Variants in TLE4 observed in about 807,000 individuals in gnomAD.
TLE4 encodes the protein TLE family member 4, transcriptional corepressor.
In TLE4, 8 loss-of-function variants were observed where a neutral mutation model predicts 92.8. That is an observed-to-expected ratio of 0.09 (90% confidence interval 0.05 to 0.16). TLE4 has a LOEUF of 0.16. Ranked by LOEUF, TLE4 falls within the 10% of genes least tolerant of loss-of-function variation. TLE4 has a pLI of 1.00. For missense variants in TLE4, 675 were observed against 997.6 expected (o/e 0.68, Z 4.36); for synonymous variants, 371 against 374.1 (o/e 0.99, Z 0.10).
Position 79,572,727 on chromosome 9 carries a change from T to G in TLE4, c.-64T>G. 2 of 1,558,368 alleles carry G rather than the reference T, an allele frequency of 1.3e-6. No individual in the cohort carries two copies. Among genetic ancestry groups the G allele is most frequent in the Non-Finnish European group, 8.7e-7 (1 of 1,146,312 alleles). On this transcript the variant is annotated 5_prime_UTR_variant, in exon 1 of 20. Coordinates refer to ENST00000376552, the MANE Select transcript of TLE4 (RefSeq NM_007005.6). ...CTCCGCTGCCGCGGCCGCCTCCTCT[T>G]CGGGGTCATTAAAGCCAATGAGCCG... is the stretch of plus-strand genomic sequence containing the variant.
Position 79,678,314 on chromosome 9 carries a change from G to T in TLE4, c.609+24239G>T, listed in dbSNP as rs373696168. On this transcript the variant is annotated intron_variant, in intron 8 of 19. Transcript: ENST00000376552. ...AAAAACTTTGTAGATGTTAATCTAT[G>T]TACATTGTATTTGAGTAAATGTCCT... Among the ~76,000 whole-genome samples the T allele has an allele frequency of 7.2e-5, 11 of 152,150 alleles. No homozygotes were observed. In the East Asian group the frequency reaches 1.5e-3, roughly 21 times the overall value.
intron 8 of TLE4, among the ~76,000 whole-genome samples, chr9:79,702,402 C>A (rs1233794184): frequency 1.3e-5 from 2 of 152,058 alleles, no homozygotes; most frequent in Non-Finnish European, 2.9e-5. Context: ...TAGATAGTAA[C>A]CCACAGATGA....
At chr9:79,607,916 GT>G (rs1380987485) in intron 4 of TLE4, among the ~76,000 whole-genome samples, 1 of 151,918 alleles carries the variant, frequency 6.6e-6, no homozygotes, top group South Asian at 2.1e-4. Flanking sequence ...CTTTAAAGTA[GT>G]TTTTTCCAAT....
At chr9:79,682,802 A>G (rs986035145) in intron 8 of TLE4, among the ~76,000 whole-genome samples, 60 of 152,218 alleles carry the variant, frequency 3.9e-4, no homozygotes, top group Admixed American at 3.4e-3. Context: ...AGATCACACT[A>G]TGCCCACAGC....
chr9:79,682,754 C>T (rs1564885234), intron 8 of TLE4, among the ~76,000 whole-genome samples: 1 of 152,220 alleles, frequency 6.6e-6, no homozygotes, highest in Non-Finnish European at 1.5e-5. Context: ...AATGCTCAAG[C>T]ATCTCAGGGT....
chr9:79,650,974 T>G (rs1325201173), intron 6 of TLE4, among the ~76,000 whole-genome samples: 1 of 151,510 alleles, frequency 6.6e-6, no homozygotes, highest in Non-Finnish European at 1.5e-5. Flanking sequence ...AAGGTCCACT[T>G]TTTTTCTCTG....
In TLE4 at chr9:79,704,770, CTTCTAA is replaced by C; in HGVS notation, c.610-9_610-4del. 6.2e-7 allele frequency: 1 copy of C among 1,604,370 alleles called. No individual in the cohort carries two copies. On this transcript the variant is annotated splice_region_variant and splice_polypyrimidine_tract_variant and intron_variant, in intron 8 of 19. Transcript: ENST00000376552. ...TAATTTCTCAACCATGCTTCCTCTC[CTTCTAA>C]TTCCAGAGCTCTTCAGTATCCCCAT...
chr9:79,640,670 G>A (rs3928818), intron 6 of TLE4, among the ~76,000 whole-genome samples: 134,286 of 151,942 alleles, frequency 0.88, 59,316 homozygotes, highest in Admixed American at 0.9. Flanking sequence ...GTAACACTCA[G>A]CTCCTTCTGT....
At chr9:79,706,940 C>T in intron 11 of TLE4, 41 bp downstream of exon 11, 1 of 1,591,400 alleles carries the variant, frequency 6.3e-7, no homozygotes, top group Non-Finnish European at 8.5e-7. Context: ...TGGCCTCTGC[C>T]AATTTGATGT....
At chr9:79,709,727 TTG>T (rs1328721623) in intron 14 of TLE4, 28 bp downstream of exon 14, 1 of 1,608,802 alleles carries the variant, frequency 6.2e-7, no homozygotes, top group African/African-American at 1.3e-5. Flanking sequence ...TCTGTGCTCA[TTG>T]TGTGTCAAAC....
rs533158409 is a variant in TLE4 at position 79,632,850 on chromosome 9, A to T, written c.390+5402A>T. 2.0e-5 allele frequency among the ~76,000 whole-genome samples: 3 copies of T among 152,266 alleles called. No homozygotes were observed. In the East Asian group the frequency reaches 5.8e-4, roughly 30 times the overall value. On this transcript the variant is annotated intron_variant, in intron 6 of 19. Coordinates refer to ENST00000376552, the MANE Select transcript of TLE4 (RefSeq NM_007005.6). ...AGTGTGCCTGGAGCTTAAAGGCTTT[A>T]TAAAACATGCTGGCCACTGTCTGTG...
At chr9:79,598,075 G>GAAA (rs748860967) in intron 4 of TLE4, among the ~76,000 whole-genome samples, 8 of 65,728 alleles carry the variant, frequency 1.2e-4, no homozygotes, top group Non-Finnish European at 1.5e-4. Flanking sequence ...TACTGAAAAA[G>GAAA]AAAAAAAAAA....
intron 8 of TLE4, among the ~76,000 whole-genome samples, chr9:79,656,923 G>A (rs2059864604): frequency 6.6e-6 from 1 of 152,008 alleles, no homozygotes. Context: ...AAGTTCTGTG[G>A]CCACCAAATT....
At chr9:79,670,148 C>A (rs969386750) in intron 8 of TLE4, among the ~76,000 whole-genome samples, 4 of 151,412 alleles carry the variant, frequency 2.6e-5, no homozygotes, top group Non-Finnish European at 5.9e-5. Context: ...AAAAGACTCA[C>A]CTTAGAGGGG....
chr9:79,725,028 C>A lies in TLE4; in HGVS notation c.2215-9C>A, dbSNP rs747127471. 1.2e-6 allele frequency: 2 copies of A among 1,606,002 alleles called. No homozygotes were observed. The highest frequency in any genetic ancestry group is 1.3e-5 in the African/African-American group (1 of 74,642). On this transcript the variant is annotated splice_polypyrimidine_tract_variant and intron_variant, in intron 19 of 19. Transcript: ENST00000376552. The stretch of plus-strand genomic sequence containing the variant: ...ATTTAACATTTTTGATTATATGTTT[C>A]TTTCCTAGTCCAAAGAATCCTCATC...
chr9:79,716,336 G>A (rs900344985), intron 14 of TLE4, among the ~76,000 whole-genome samples: 3 of 152,242 alleles, frequency 2.0e-5, no homozygotes, highest in East Asian at 1.9e-4. Context: ...AGCTCTCCGC[G>A]CATATGCTGC....
intron 4 of TLE4, among the ~76,000 whole-genome samples, chr9:79,578,194 C>A (rs1243466883): frequency 6.6e-6 from 1 of 152,142 alleles, no homozygotes; most frequent in African/African-American, 2.4e-5. Flanking sequence ...TCGCTGGATA[C>A]CCTTGTAATG....
chr9:79,651,353 A>G (rs2134173660), intron 6 of TLE4, among the ~76,000 whole-genome samples: 1 of 152,274 alleles, frequency 6.6e-6, no homozygotes, highest in East Asian at 1.9e-4. Flanking sequence ...CAGAAGAGGC[A>G]GCAAGGCTTG....
At chr9:79,610,667 C>T (rs1024225210) in intron 4 of TLE4, among the ~76,000 whole-genome samples, 5 of 151,968 alleles carry the variant, frequency 3.3e-5, no homozygotes, top group East Asian at 3.9e-4. Flanking sequence ...TCTGCCCTCC[C>T]GTTTCTGTTG....
Sources: allele counts gnomAD v4.1 joint callset (sites outside exome capture counted in the v4.1 genomes callset), GRCh38; gene constraint gnomAD v4.1.1; transcripts MANE v1.5; gene names NCBI Gene and HGNC (gene_info 2026-07-23, HGNC 2026-07-21).